GRM5: variants seen among roughly 807,000 people sequenced by gnomAD.
The protein encoded by GRM5 is glutamate metabotropic receptor 5, also known as metabotropic glutamate receptor 5.
Under a neutral mutation model 83.1 loss-of-function variants are expected in GRM5, and 19 were observed. The ratio of observed to expected loss-of-function variants is 0.23; its 90% CI spans 0.16 to 0.34. The LOEUF (loss-of-function observed/expected upper bound fraction) is 0.34. Ranked by LOEUF, GRM5 falls within the 10% of genes least tolerant of loss-of-function variation. The pLI is 1.00. For synonymous variants in GRM5, 675 were observed against 633.6 expected, an observed-to-expected ratio of 1.07 and a Z score of -0.98; for missense variants, 1,160 against 1,588.3, an observed-to-expected ratio of 0.73 and a Z score of 4.58.
chr11:88,733,898 C>T (rs922435185), intron 3 of GRM5, among the ~76,000 whole-genome samples: 3 of 151,858 alleles, frequency 2.0e-5, no homozygotes, highest in Admixed American at 6.6e-5. Flanking sequence ...GGTCTATGAC[C>T]AATCCCACCC....
chr11:88,831,693 A>G (rs1032570528), intron 3 of GRM5, among the ~76,000 whole-genome samples: 3 of 152,182 alleles, frequency 2.0e-5, no homozygotes, highest in African/African-American at 7.2e-5. Context: ...CACAGCTGGC[A>G]TCTATCCACA....
intron 3 of GRM5, among the ~76,000 whole-genome samples, chr11:88,687,813 T>G (rs796816320): frequency 1.1e-4 from 17 of 150,912 alleles, no homozygotes; most frequent in African/African-American, 3.9e-4. Flanking sequence ...GTTACTAAAC[T>G]CTATATGAGA....
At chr11:88,756,695 A>C (rs544940473) in intron 3 of GRM5, among the ~76,000 whole-genome samples, 1 of 152,272 alleles carries the variant, frequency 6.6e-6, no homozygotes, top group African/African-American at 2.4e-5. Flanking sequence ...TTACACATTA[A>C]AATCAGCAAA....
chr11:89,044,517 C>T (rs1297571727), intron 2 of GRM5, among the ~76,000 whole-genome samples: 1 of 152,054 alleles, frequency 6.6e-6, no homozygotes, highest in Non-Finnish European at 1.5e-5. Flanking sequence ...TCTTGTGGTA[C>T]CCGTGACACA....
chr11:88,994,429 T>G (rs1940100398), intron 2 of GRM5, among the ~76,000 whole-genome samples: 1 of 145,670 alleles, frequency 6.9e-6, no homozygotes, highest in Admixed American at 7.0e-5. Context: ...TTATTATTAT[T>G]TATCACTTTA....
At chr11:88,923,464 T>C (rs1945728277) in intron 2 of GRM5, among the ~76,000 whole-genome samples, 2 of 152,224 alleles carry the variant, frequency 1.3e-5, no homozygotes, top group South Asian at 4.1e-4. Context: ...GACAAACTCA[T>C]GTTCTCACTC....
chr11:88,953,426 T>A (rs612781), intron 2 of GRM5, among the ~76,000 whole-genome samples: 74,322 of 152,118 alleles, frequency 0.49, 20,328 homozygotes, highest in South Asian at 0.7. Context: ...TACTTTATCA[T>A]GTTTTTTTCT....
At chr11:89,058,516 G>C (rs553412797) in intron 1 of GRM5, among the ~76,000 whole-genome samples, 1 of 152,268 alleles carries the variant, frequency 6.6e-6, no homozygotes, top group East Asian at 1.9e-4. Flanking sequence ...CATGAAAGAA[G>C]AGCATACCTA....
intron 3 of GRM5, among the ~76,000 whole-genome samples, chr11:88,738,818 C>T (rs140685746): frequency 3.9e-4 from 60 of 152,178 alleles, no homozygotes; most frequent in Admixed American, 1.9e-3. Flanking sequence ...TCTCAATACT[C>T]ATGCCCAGCT....
intron 2 of GRM5, among the ~76,000 whole-genome samples, chr11:88,954,390 T>C (rs1230611870): frequency 6.6e-6 from 1 of 152,086 alleles, no homozygotes; most frequent in Admixed American, 6.5e-5. Flanking sequence ...TGCTTAACAT[T>C]TGTGTGCTCC....
chr11:89,046,972 A>G (rs1364317198), intron 2 of GRM5, among the ~76,000 whole-genome samples: 3 of 152,214 alleles, frequency 2.0e-5, no homozygotes, highest in Non-Finnish European at 4.4e-5. Context: ...GAAGTAAATA[A>G]TGTAATTCAC....
intron 2 of GRM5, among the ~76,000 whole-genome samples, chr11:89,024,019 C>A (rs549395385): frequency 6.6e-6 from 1 of 152,126 alleles, no homozygotes; most frequent in South Asian, 2.1e-4. Context: ...AATTCAAGAC[C>A]AGCGTGGCCA....
At chr11:88,899,864 GA>G (rs772767790) in intron 2 of GRM5, among the ~76,000 whole-genome samples, 28 of 152,030 alleles carry the variant, frequency 1.8e-4, no homozygotes, top group Admixed American at 6.6e-5. Context: ...ATTTTGGTAA[GA>G]CATTGTTTTC....
intron 1 of GRM5, among the ~76,000 whole-genome samples, chr11:89,061,513 G>T (rs904227896): frequency 6.6e-6 from 1 of 152,118 alleles, no homozygotes; most frequent in African/African-American, 2.4e-5. Flanking sequence ...CCTTTGATGA[G>T]GTAAGTCATT....
At chr11:88,893,436 T>G (rs1305969694) in intron 2 of GRM5, among the ~76,000 whole-genome samples, 1 of 151,940 alleles carries the variant, frequency 6.6e-6, no homozygotes, top group Non-Finnish European at 1.5e-5. Flanking sequence ...CTAAAAAGAA[T>G]AGTTGGTCGT....
intron 3 of GRM5, among the ~76,000 whole-genome samples, chr11:88,831,068 G>T (rs1027701517): frequency 6.6e-6 from 1 of 151,848 alleles, no homozygotes; most frequent in African/African-American, 2.4e-5. Flanking sequence ...TCTGAGTGGG[G>T]ACACAGCCAA....
At chr11:88,736,987 C>G (rs913019708) in intron 3 of GRM5, among the ~76,000 whole-genome samples, 4 of 152,036 alleles carry the variant, frequency 2.6e-5, no homozygotes, top group African/African-American at 9.7e-5. Context: ...GTGGATAGAT[C>G]AGATTAAGTG....
At chr11:88,636,897 TTCCATTGA>T (rs2135279920) in intron 4 of GRM5, among the ~76,000 whole-genome samples, 1 of 152,290 alleles carries the variant, frequency 6.6e-6, no homozygotes, top group African/African-American at 2.4e-5. Flanking sequence ...CTCTGTTCTG[TTCCATTGA>T]TCTATATCTC....
chr11:88,780,967 T>C (rs1432927860), intron 3 of GRM5, among the ~76,000 whole-genome samples: 1 of 151,672 alleles, frequency 6.6e-6, no homozygotes, highest in East Asian at 1.9e-4. Flanking sequence ...AAACATGGCT[T>C]TTTTTTTCCA....
Sources: allele counts gnomAD v4.1 joint callset (sites outside exome capture counted in the v4.1 genomes callset), GRCh38; gene constraint gnomAD v4.1.1; transcripts MANE v1.5; gene names NCBI Gene and HGNC (gene_info 2026-07-23, HGNC 2026-07-21).